DNM2: variants seen among roughly 807,000 people sequenced by gnomAD.
The protein encoded by DNM2 is dynamin 2.
In DNM2, 15 loss-of-function variants were observed where a neutral mutation model predicts 99.0. That is an observed-to-expected ratio of 0.15 (90% CI 0.10 to 0.23). The LOEUF is 0.23. Among genes scored for constraint, DNM2 ranks in the 10% least tolerant of loss-of-function variants. The pLI is 1.00. For missense variants in DNM2, 742 were observed against 1,189.4 expected (o/e 0.62, Z 5.53); for synonymous variants, 525 against 481.2 (o/e 1.09, Z -1.19).
chr19:10,771,719 C>G (rs1204871083), intron 2 of DNM2, among the ~76,000 whole-genome samples: 3 of 152,126 alleles, frequency 2.0e-5, no homozygotes, highest in Non-Finnish European at 4.4e-5. Flanking sequence ...ATGGACTCAC[C>G]CTCTCTGGGT....
chr19:10,748,364 G>A (rs573078949), intron 1 of DNM2, among the ~76,000 whole-genome samples: 3 of 152,278 alleles, frequency 2.0e-5, no homozygotes, highest in African/African-American at 4.8e-5. Flanking sequence ...TGGACAAGGC[G>A]GGTGGGTGAG....
At position 10,722,740 on chromosome 19, in the gene DNM2, C is replaced by T. The variant is rs142572451; in HGVS notation, c.161+4337C>T. Among the ~76,000 whole-genome samples the T allele has an allele frequency of 4.2e-3, 633 of 150,466 alleles. 2 individuals carry two copies. Among genetic ancestry groups the T allele is most frequent in the Middle Eastern group, 0.014 (4 of 276 alleles). ...TCCTGGGCTCAAGCGATTCTCCTACCTCTCAGCCTCCTAAGTAGCTGGGAC... is the reference window on the plus strand; with the variant it reads ...TCCTGGGCTCAAGCGATTCTCCTACTTCTCAGCCTCCTAAGTAGCTGGGAC... On this transcript the variant is annotated intron_variant, in intron 1 of 20. Transcript: ENST00000389253.
intron 1 of DNM2, among the ~76,000 whole-genome samples, chr19:10,755,939 T>C (rs10420201): frequency 0.74 from 111,834 of 151,666 alleles, 41,998 homozygotes; most frequent in African/African-American, 0.87. Flanking sequence ...GCTGGGATTA[T>C]AGGCGTGAGC....
chr19:10,741,983 C>T (rs1210959340), intron 1 of DNM2, among the ~76,000 whole-genome samples: 2 of 150,192 alleles, frequency 1.3e-5, no homozygotes, highest in African/African-American at 4.9e-5. Context: ...TCTTTTTCCT[C>T]TACCCTTCTT....
chr19:10,828,266 G>A (rs566449162), intron 18 of DNM2, among the ~76,000 whole-genome samples: 1 of 147,692 alleles, frequency 6.8e-6, no homozygotes, highest in Admixed American at 6.7e-5. Flanking sequence ...GGGTGACAGA[G>A]TGAGACTCTG....
chr19:10,802,557 G>C, intron 12 of DNM2, 199 bp downstream of exon 12: 1 of 667,670 alleles, frequency 1.5e-6, no homozygotes, highest in Non-Finnish European at 2.7e-6. Flanking sequence ...CAACCAACAC[G>C]CCTTCTGTGA....
In DNM2 at chr19:10,831,188, GGTCCAGGGCCGGCCCCTGT is replaced by G. The variant is rs2073339393; in HGVS notation, c.*143_*161del. The G allele has an allele frequency of 7.1e-7, 1 of 1,405,870 alleles. No homozygotes were observed. The highest frequency in any genetic ancestry group is 9.2e-7 in the Non-Finnish European group (1 of 1,083,560). The allele number at this position is 1,405,870 out of a possible 1,614,324, so 87.1% of individuals were successfully genotyped here. A position where few individuals can be genotyped will look rare whatever the true frequency, so the allele number is the denominator to read the frequency against. On this transcript the variant is annotated 3_prime_UTR_variant, in exon 21 of 21. Transcript: ENST00000389253. This position sits in a 1 kb window ranked among gnomAD's most constrained non-coding sequence, Gnocchi z 4.3. ...TGGCCTCTTCCTTAACGCTGGCCCC[GGTCCAGGGCCGGCCCCTGT>G]GCCTGGCTGGACACCGCACTGCGCA...
chr19:10,782,884 G>C, intron 5 of DNM2, 76 bp from the exon 6 acceptor site: 1 of 1,602,558 alleles, frequency 6.2e-7, no homozygotes, highest in Non-Finnish European at 8.5e-7. Flanking sequence ...CTCTATACTT[G>C]AATCTTGCCC....
chr19:10,736,209 G>A (rs1259005961), intron 1 of DNM2, among the ~76,000 whole-genome samples: 1 of 150,524 alleles, frequency 6.6e-6, no homozygotes, highest in African/African-American at 2.4e-5. Context: ...AGGTTGCAGT[G>A]AGCCAAGATC....
At position 10,795,746 on chromosome 19, in the gene DNM2, C is replaced by T. The variant is rs553514293; in HGVS notation, c.1196+307C>T. 18 of 580,956 alleles carry T rather than the reference C, an allele frequency of 3.1e-5. No individual in the cohort carries two copies. In the East Asian group the frequency reaches 4.7e-4, roughly 15 times the overall value. 36.0% of individuals were successfully genotyped at this position (580,956 alleles called of 1,614,324 possible). A position where few individuals can be genotyped will look rare whatever the true frequency, so the allele number is the denominator to read the frequency against. ...CTAAGAATGCTCACTGCAGATTTGC[C>T]TGGGGAGGGGCGGGGCGGCACTGAA... On this transcript the variant is annotated intron_variant, in intron 9 of 20. Transcript: ENST00000389253. This position sits in a 1 kb window ranked among gnomAD's most constrained non-coding sequence, Gnocchi z 4.2.
rs1296462075 is a variant in DNM2, at chr19:10,764,764, C to T, written c.235+4953C>T. Among the ~76,000 whole-genome samples the T allele has an allele frequency of 2.6e-5, 4 of 152,244 alleles. No individual in the cohort carries two copies. The highest frequency in any genetic ancestry group is 4.4e-5 in the Non-Finnish European group (3 of 68,020). ...TCCTCCTGGTCCCCAGCCACTGCCC[C>T]CATCCATCTCCCTCCTGATTCTCAG... On this transcript the variant is annotated intron_variant, in intron 2 of 20. Transcript: ENST00000389253. This position sits in a 1 kb window ranked among gnomAD's most constrained non-coding sequence, Gnocchi z 4.1.
At chr19:10,742,135 T>C (rs1255378329) in intron 1 of DNM2, among the ~76,000 whole-genome samples, 1 of 152,070 alleles carries the variant, frequency 6.6e-6, no homozygotes, top group Non-Finnish European at 1.5e-5. Context: ...CCTTGAATTT[T>C]TAGGTTATTT....
chr19:10,720,824 T>G (rs1479316578), intron 1 of DNM2, among the ~76,000 whole-genome samples: 1 of 152,216 alleles, frequency 6.6e-6, no homozygotes, highest in African/African-American at 2.4e-5. Flanking sequence ...ATCTGGCTGG[T>G]TCCTTTGCTA....
chr19:10,825,950 A>C (rs1382369827), intron 18 of DNM2, among the ~76,000 whole-genome samples: 2 of 149,642 alleles, frequency 1.3e-5, no homozygotes, highest in Non-Finnish European at 3.0e-5. Flanking sequence ...CAGGAGGATC[A>C]CTTGAGCCCA....
chr19:10,718,330 G>T lies in DNM2; in HGVS notation c.88G>T (p.Asp30Tyr). Residue 30 changes from aspartate (D) to tyrosine (Y), a missense_variant, in exon 1 of 21, where the codon GAC becomes TAC. Coordinates refer to ENST00000389253, the MANE Select transcript of DNM2 (RefSeq NM_001005361.3). The part of the protein sequence containing the change: ...FSSIGQSCHL[D>Y]LPQIAVVGGQ... ...CTCCATCGGCCAGAGCTGCCACCTGGACCTGCCGCAGATCGCTGTAGTGGG... is the reference window on the plus strand; with the variant it reads ...CTCCATCGGCCAGAGCTGCCACCTGTACCTGCCGCAGATCGCTGTAGTGGG... The T allele has an allele frequency of 2.6e-6, 4 of 1,517,252 alleles. No individual in the cohort carries two copies. The highest frequency in any genetic ancestry group is 3.5e-6 in the Non-Finnish European group (4 of 1,134,766). The allele number at this position is 1,517,252 out of a possible 1,614,324, so 94.0% of individuals were successfully genotyped here.
intron 5 of DNM2, among the ~76,000 whole-genome samples, chr19:10,781,176 C>A (rs556679614): frequency 6.6e-5 from 10 of 152,210 alleles, no homozygotes; most frequent in African/African-American, 2.2e-4. Context: ...GGCAGCAGAG[C>A]GAGACTCCAT....
intron 1 of DNM2, among the ~76,000 whole-genome samples, chr19:10,734,016 A>T (rs878996649): frequency 6.8e-6 from 1 of 148,140 alleles, no homozygotes; most frequent in Non-Finnish European, 1.5e-5. Flanking sequence ...TCAAAAAATA[A>T]AAAAAAAAAA....
Position 10,831,350 on chromosome 19 carries a change from C to A in DNM2, c.*303C>A. 8.6e-7 allele frequency: 1 copy of A among 1,166,624 alleles called. No individual in the cohort carries two copies. Among genetic ancestry groups the A allele is most frequent in the Non-Finnish European group, 1.1e-6 (1 of 944,774 alleles). 72.3% of individuals were successfully genotyped at this position (1,166,624 alleles called of 1,614,324 possible). On this transcript the variant is annotated 3_prime_UTR_variant, in exon 21 of 21. Coordinates refer to ENST00000389253, the MANE Select transcript of DNM2 (RefSeq NM_001005361.3). The surrounding 1 kb of genome is among the most constrained non-coding windows in gnomAD (Gnocchi z 4.3). Reference sequence around the variant, plus strand: ...ACACCATCCTGAATGAGGGGTCCAGCCTGGGGGGGACTCTACCAAGGTCTT... The same window carrying A: ...ACACCATCCTGAATGAGGGGTCCAGACTGGGGGGGACTCTACCAAGGTCTT...
intron 14 of DNM2, 116 bp downstream of exon 14, chr19:10,808,696 A>C: frequency 7.4e-7 from 1 of 1,350,608 alleles, no homozygotes; most frequent in Non-Finnish European, 1.0e-6. Flanking sequence ...AATACTAAAA[A>C]TCGAGCTAAC....
Sources: gnomAD v4.1 joint callset for allele counts (sites outside exome capture counted in the v4.1 genomes callset) on GRCh38, gnomAD v4.1.1 for gene constraint, Gnocchi (gnomAD v3.1) non-coding constraint, MANE v1.5 for transcripts, NCBI Gene and HGNC (gene_info 2026-07-23, HGNC 2026-07-21) for gene names.